The following MTHFD2L variants were observed in gnomAD, a reference collection of about 807,000 sequenced individuals.
The protein encoded by MTHFD2L is methylenetetrahydrofolate dehydrogenase (NADP+ dependent) 2 like, also known as bifunctional methylenetetrahydrofolate dehydrogenase/cyclohydrolase 2, mitochondrial.
A neutral mutation model predicts 34.9 loss-of-function variants in MTHFD2L; 29 were observed. The observed-to-expected ratio is 0.83, with a 90% CI of 0.62 to 1.13. MTHFD2L has a LOEUF of 1.13. Among genes scored for constraint, MTHFD2L ranks in the 50% most tolerant of loss-of-function variants. The pLI, the probability that MTHFD2L is intolerant of heterozygous loss-of-function variation, is 0.00. For missense variants in MTHFD2L, 481 were observed against 446.5 expected (o/e 1.08, Z -0.70); for synonymous variants, 167 against 155.7 (o/e 1.07, Z -0.54).
chr4:74,172,216 G>A (rs573664734), intron 1 of MTHFD2L, among the ~76,000 whole-genome samples: 1 of 152,248 alleles, frequency 6.6e-6, no homozygotes, highest in South Asian at 2.1e-4. Flanking sequence ...TTTTAAAGGT[G>A]CACCTGGAAA....
At chr4:74,120,382 G>A (rs140413397), upstream of MTHFD2L, among the ~76,000 whole-genome samples, 458 of 152,368 alleles carry the variant, frequency 3.0e-3, 1 homozygote, top group South Asian at 8.1e-3. Context: ...AGATGTGCAT[G>A]AGGATATGTT....
chr4:74,227,534 C>G (rs935308417), intron 6 of MTHFD2L, among the ~76,000 whole-genome samples: 6 of 152,096 alleles, frequency 3.9e-5, no homozygotes, highest in Admixed American at 2.0e-4. Flanking sequence ...ACAGCAGATA[C>G]CAAAGTCCTT....
At chr4:74,213,874 A>G (rs1451573329) in intron 5 of MTHFD2L, among the ~76,000 whole-genome samples, 1 of 151,898 alleles carries the variant, frequency 6.6e-6, no homozygotes, top group Non-Finnish European at 1.5e-5. Context: ...CTTTTCACAT[A>G]GTCCCATATT....
chr4:74,262,682 C>T (rs1351047775), intron 6 of MTHFD2L, among the ~76,000 whole-genome samples: 1 of 151,874 alleles, frequency 6.6e-6, no homozygotes, highest in Non-Finnish European at 1.5e-5. Flanking sequence ...ACACTGTTTG[C>T]ACACATCAGA....
chr4:74,186,785 C>T (rs1187263452), intron 3 of MTHFD2L, among the ~76,000 whole-genome samples: 1 of 151,942 alleles, frequency 6.6e-6, no homozygotes, highest in Admixed American at 6.6e-5. Context: ...TCAAGGTGAC[C>T]TTTGGTAAAA....
intron 1 of MTHFD2L, chr4:74,143,444 C>T (rs1262211253): frequency 3.5e-5 from 34 of 985,188 alleles, no homozygotes; most frequent in Non-Finnish European, 4.0e-5. Context: ...AATTTTCACG[C>T]TGAGTTTGGA....
At chr4:74,167,964 A>T (rs1343049707) in intron 1 of MTHFD2L, among the ~76,000 whole-genome samples, 1 of 152,144 alleles carries the variant, frequency 6.6e-6, no homozygotes, top group African/African-American at 2.4e-5. Context: ...TCCACTCTCA[A>T]AATAGATTCA....
intron 6 of MTHFD2L, among the ~76,000 whole-genome samples, chr4:74,245,524 T>C (rs1742309595): frequency 6.6e-6 from 1 of 152,116 alleles, no homozygotes; most frequent in African/African-American, 2.4e-5. Flanking sequence ...ATATTCACAA[T>C]GTGCAGGTTA....
chr4:74,266,199 A>G (rs564029858), intron 6 of MTHFD2L, among the ~76,000 whole-genome samples: 1 of 152,302 alleles, frequency 6.6e-6, no homozygotes, highest in South Asian at 2.1e-4. Context: ...ATGTTGTTCC[A>G]GAGGTTTCAT....
chr4:74,270,958 A>G (rs1360707587), intron 6 of MTHFD2L, among the ~76,000 whole-genome samples: 1 of 152,146 alleles, frequency 6.6e-6, no homozygotes, highest in African/African-American at 2.4e-5. Flanking sequence ...TGTTGGCTGC[A>G]TAAATGTCTT....
intron 1 of MTHFD2L, among the ~76,000 whole-genome samples, chr4:74,165,705 C>T (rs1202425334): frequency 3.3e-5 from 5 of 152,094 alleles, no homozygotes; most frequent in African/African-American, 1.2e-4. Context: ...TTAACAGTTG[C>T]AAATAGAATC....
At chr4:74,157,193 C>A (rs183931160), upstream of MTHFD2L, 3 of 165,154 alleles carry the variant, frequency 1.8e-5, no homozygotes, top group Non-Finnish European at 3.9e-5. Flanking sequence ...AGTAGGGTAT[C>A]CCATTCTTAT....
intron 7 of MTHFD2L, among the ~76,000 whole-genome samples, chr4:74,299,505 G>A (rs1259074462): frequency 6.6e-6 from 1 of 151,818 alleles, no homozygotes; most frequent in East Asian, 1.9e-4. Flanking sequence ...AAAAGGTCCT[G>A]GAAGGCATTT....
intron 1 of MTHFD2L, among the ~76,000 whole-genome samples, chr4:74,138,225 A>AT (rs1723068649): frequency 6.6e-6 from 1 of 151,870 alleles, no homozygotes. Context: ...CTTTGCTATT[A>AT]TTTCTTTTCG....
chr4:74,279,905 T>A (rs190786831), intron 6 of MTHFD2L, among the ~76,000 whole-genome samples: 21 of 152,088 alleles, frequency 1.4e-4, no homozygotes, highest in African/African-American at 4.3e-4. Context: ...CCTACAGCTA[T>A]ATCTATGTTG....
At chr4:74,123,763 G>A (rs1038812445), upstream of MTHFD2L, among the ~76,000 whole-genome samples, 1 of 151,906 alleles carries the variant, frequency 6.6e-6, no homozygotes, top group African/African-American at 2.4e-5. Flanking sequence ...CACTTTCTTA[G>A]ATTCTAAAAC....
At chr4:74,272,540 C>T (rs1222448916) in intron 6 of MTHFD2L, among the ~76,000 whole-genome samples, 6 of 151,608 alleles carry the variant, frequency 4.0e-5, no homozygotes, top group Non-Finnish European at 8.8e-5. Flanking sequence ...ACTTTTTTGT[C>T]AGTGTTCTTT....
rs140917794 is a variant in MTHFD2L at position 74,185,236 on chromosome 4, TGTCAAATA to T, written c.451+9834_451+9841del. On this transcript the variant is annotated intron_variant, in intron 3 of 7. Transcript: ENST00000325278. The stretch of plus-strand genomic sequence containing the variant: ...ATAGCATACCTCTAAATAACCCCTG[TGTCAAATA>T]AGAAAATGAAAGAGAAATTTGAAAT... 1.6e-3 allele frequency among the ~76,000 whole-genome samples: 234 copies of T among 149,912 alleles called. 2 individuals carry two copies. Among genetic ancestry groups the T allele is most frequent in the African/African-American group, 5.5e-3 (221 of 40,320 alleles).
intron 6 of MTHFD2L, among the ~76,000 whole-genome samples, chr4:74,241,210 T>C (rs1233020727): frequency 1.3e-5 from 2 of 152,170 alleles, no homozygotes; most frequent in African/African-American, 4.8e-5. Flanking sequence ...AATGATTTCT[T>C]CTATTCTGTC....
Sources: allele counts gnomAD v4.1 joint callset (sites outside exome capture counted in the v4.1 genomes callset), GRCh38; gene constraint gnomAD v4.1.1; transcripts MANE v1.5; gene names NCBI Gene and HGNC (gene_info 2026-07-23, HGNC 2026-07-21).